The following LUZP2 variants were observed in gnomAD, a reference collection of about 807,000 sequenced individuals.
LUZP2 encodes leucine zipper protein 2.
LUZP2 carries 52 observed loss-of-function variants against 51.6 expected under a neutral mutation model. The ratio of observed to expected loss-of-function variants is 1.01; its 90% CI spans 0.81 to 1.27. The LOEUF is 1.27. LUZP2 is among the 50% of genes most tolerant of loss of function. The pLI is 0.00. For synonymous variants in LUZP2, 154 were observed against 137.3 expected (o/e 1.12, Z -0.85); for missense variants, 436 against 395.4 (o/e 1.10, Z -0.87).
intron 1 of LUZP2, among the ~76,000 whole-genome samples, chr11:24,515,701 A>C (rs896178284): frequency 4.6e-5 from 7 of 152,172 alleles, no homozygotes; most frequent in African/African-American, 1.7e-4. Flanking sequence ...GCAATGTGAA[A>C]GGTGCTAAAA....
At chr11:24,932,835 G>A (rs1322553767) in intron 7 of LUZP2, among the ~76,000 whole-genome samples, 1 of 152,158 alleles carries the variant, frequency 6.6e-6, no homozygotes, top group Non-Finnish European at 1.5e-5. Context: ...TTCTGTCCAG[G>A]AAACTCTGCA....
chr11:24,617,372 T>C (rs975205880), intron 1 of LUZP2, among the ~76,000 whole-genome samples: 7 of 152,212 alleles, frequency 4.6e-5, no homozygotes, highest in African/African-American at 1.7e-4. Context: ...TTAGAGTGTG[T>C]TCATCGTTAT....
chr11:24,875,886 C>T (rs1852243372), intron 5 of LUZP2, among the ~76,000 whole-genome samples: 1 of 151,734 alleles, frequency 6.6e-6, no homozygotes, highest in African/African-American at 2.4e-5. Context: ...TGTTTTTTGG[C>T]TGCATAAATG....
chr11:24,918,014 G>A (rs1228043993), intron 7 of LUZP2, among the ~76,000 whole-genome samples: 1 of 151,922 alleles, frequency 6.6e-6, no homozygotes, highest in African/African-American at 2.4e-5. Context: ...ATTTCGTTGA[G>A]CAGTGGTTTG....
At chr11:24,871,132 G>A (rs1852057452) in intron 5 of LUZP2, among the ~76,000 whole-genome samples, 1 of 151,820 alleles carries the variant, frequency 6.6e-6, no homozygotes, top group Admixed American at 6.6e-5. Context: ...TTTCCAAAAT[G>A]TTTATCCAGA....
chr11:24,953,084 T>C (rs1052110206), intron 7 of LUZP2, among the ~76,000 whole-genome samples: 5 of 151,934 alleles, frequency 3.3e-5, no homozygotes, highest in African/African-American at 9.7e-5. Context: ...CTAAAATGCA[T>C]TAAAATAAAT....
chr11:24,552,368 G>C (rs1218092912), intron 1 of LUZP2, among the ~76,000 whole-genome samples: 1 of 151,908 alleles, frequency 6.6e-6, no homozygotes, highest in Admixed American at 6.6e-5. Flanking sequence ...TCCTTAACTT[G>C]ATAAAACTTT....
At chr11:24,914,121 TA>T (rs898882622) in intron 6 of LUZP2, among the ~76,000 whole-genome samples, 18 of 152,050 alleles carry the variant, frequency 1.2e-4, no homozygotes, top group East Asian at 7.7e-4. Context: ...AAATAAGTAG[TA>T]AAAAAAATGA....
At chr11:24,610,919 TG>T (rs1475184988) in intron 1 of LUZP2, among the ~76,000 whole-genome samples, 2 of 152,194 alleles carry the variant, frequency 1.3e-5, no homozygotes, top group Non-Finnish European at 2.9e-5. Flanking sequence ...CACTCCAGCA[TG>T]GGCTAGGAAG....
chr11:24,933,252 G>T (rs1268389794), intron 7 of LUZP2, among the ~76,000 whole-genome samples: 1 of 152,056 alleles, frequency 6.6e-6, no homozygotes, highest in Non-Finnish European at 1.5e-5. Context: ...TAGTTCCTGT[G>T]GTAGTTTGTG....
intron 1 of LUZP2, among the ~76,000 whole-genome samples, chr11:24,709,306 A>C (rs1304533708): frequency 6.6e-6 from 1 of 152,200 alleles, no homozygotes; most frequent in African/African-American, 2.4e-5. Context: ...TTATAGAAAA[A>C]TATAAAGAGA....
At position 24,931,845 on chromosome 11, in the gene LUZP2, T is replaced by C. The variant is rs187117869; in HGVS notation, c.522+17307T>C. On this transcript the variant is annotated intron_variant, in intron 7 of 11. Transcript: ENST00000336930. Reference sequence around the variant, plus strand: ...ATATCACTGGAATTGTTTTCCTGTTTGTTTTTGTTTGTTTTTGTTTTTTCT... The same window carrying C: ...ATATCACTGGAATTGTTTTCCTGTTCGTTTTTGTTTGTTTTTGTTTTTTCT... 5.7e-3 allele frequency among the ~76,000 whole-genome samples: 860 copies of C among 151,492 alleles called. 4 individuals carry two copies. The highest frequency in any genetic ancestry group is 9.3e-3 in the Admixed American group (142 of 15,254).
At position 24,901,589 on chromosome 11, in the gene LUZP2, C is replaced by T. The variant is rs1047959866; in HGVS notation, c.397-4402C>T. 3.3e-5 allele frequency among the ~76,000 whole-genome samples: 5 copies of T among 152,274 alleles called. No homozygotes were observed. The East Asian group carries it at 7.7e-4, about 23-fold the overall frequency. On this transcript the variant is annotated intron_variant, in intron 5 of 11. Coordinates refer to ENST00000336930, the MANE Select transcript of LUZP2 (RefSeq NM_001009909.4). ...CTTTAGACAGACTCCTCTGAGTTCG[C>T]TCTTCAAATGGGCCTTTTCCTCAGG...
In LUZP2 at chr11:24,577,146, G is replaced by GAA. The variant is rs35425901; in HGVS notation, c.62+79849_62+79850dup. 2.4e-3 allele frequency among the ~76,000 whole-genome samples: 357 copies of GAA among 150,464 alleles called. 2 individuals carry two copies. Among genetic ancestry groups the GAA allele is most frequent in the African/African-American group, 8.0e-3 (330 of 41,058 alleles). On this transcript the variant is annotated intron_variant, in intron 1 of 11. Coordinates refer to ENST00000336930, the MANE Select transcript of LUZP2 (RefSeq NM_001009909.4). ...GAATAGTATAATTAATTGTTTATCT[G>GAA]AAAAAAAAATCAGCTGGTGCCTAAA...
intron 1 of LUZP2, among the ~76,000 whole-genome samples, chr11:24,579,132 C>A (rs979246351): frequency 6.6e-6 from 1 of 151,920 alleles, no homozygotes; most frequent in African/African-American, 2.4e-5. Flanking sequence ...TTCATTAAAT[C>A]AATAGGAATT....
intron 10 of LUZP2, among the ~76,000 whole-genome samples, chr11:25,076,125 C>T (rs1018411739): frequency 2.6e-5 from 4 of 152,082 alleles, no homozygotes; most frequent in Non-Finnish European, 5.9e-5. Flanking sequence ...AGAAGGTGAT[C>T]TTCCCACTTC....
chr11:24,543,635 A>G (rs899506295), intron 1 of LUZP2, among the ~76,000 whole-genome samples: 2 of 152,030 alleles, frequency 1.3e-5, no homozygotes, highest in Non-Finnish European at 2.9e-5. Context: ...AGCCTGGCCA[A>G]CATAGTGAAA....
intron 1 of LUZP2, among the ~76,000 whole-genome samples, chr11:24,711,256 T>C (rs1015317504): frequency 1.1e-4 from 16 of 144,996 alleles, no homozygotes; most frequent in East Asian, 2.5e-4. Flanking sequence ...GAGACCATCC[T>C]GGCTAACACG....
At chr11:24,896,398 G>A (rs7479940) in intron 5 of LUZP2, among the ~76,000 whole-genome samples, 1 of 152,034 alleles carries the variant, frequency 6.6e-6, no homozygotes, top group African/African-American at 2.4e-5. Flanking sequence ...GCCGGCCGGC[G>A]ATGCCAGCTC....
Sources: gnomAD v4.1 joint callset for allele counts (sites outside exome capture counted in the v4.1 genomes callset) on GRCh38, gnomAD v4.1.1 for gene constraint, MANE v1.5 for transcripts, NCBI Gene and HGNC (gene_info 2026-07-23, HGNC 2026-07-21) for gene names.